DGKB: variants seen among roughly 807,000 people sequenced by gnomAD.
The protein encoded by DGKB is diacylglycerol kinase beta, also known as 90 kDa diacylglycerol kinase.
A neutral mutation model predicts 114.3 loss-of-function variants in DGKB; 67 were observed. The observed-to-expected ratio is 0.59, with a 90% CI of 0.48 to 0.72. The LOEUF (loss-of-function observed/expected upper bound fraction) is 0.72. Among genes scored for constraint, DGKB ranks in the 30% least tolerant of loss-of-function variants. The probability of loss-of-function intolerance (pLI) is 0.00; values close to 1 mark genes in which losing one functional copy is unlikely to be tolerated. For synonymous variants in DGKB, 398 were observed against 323.1 expected (o/e 1.23, Z -2.49); for missense variants, 907 against 975.2 (o/e 0.93, Z 0.93).
chr7:14,720,734 A>T (rs972967782), intron 5 of DGKB, among the ~76,000 whole-genome samples: 1 of 152,102 alleles, frequency 6.6e-6, no homozygotes, highest in Non-Finnish European at 1.5e-5. Flanking sequence ...ATCAACAGAG[A>T]CATATATTGT....
intron 2 of DGKB, among the ~76,000 whole-genome samples, chr7:14,759,854 C>A (rs1835429197): frequency 6.6e-6 from 1 of 152,158 alleles, no homozygotes; most frequent in Non-Finnish European, 1.5e-5. Context: ...ACAACAGCTA[C>A]ACCATTTTAC....
intron 23 of DGKB, among the ~76,000 whole-genome samples, chr7:14,265,975 G>C (rs1043504541): frequency 6.6e-6 from 1 of 152,134 alleles, no homozygotes; most frequent in Non-Finnish European, 1.5e-5. Context: ...AAAGAGGGTA[G>C]CCTATTTTGT....
Position 14,570,397 on chromosome 7 carries a change from T to C in DGKB, c.1770+3815A>G, listed in dbSNP as rs116656080. Among the ~76,000 whole-genome samples, 5 of 152,168 alleles carry C rather than the reference T, an allele frequency of 3.3e-5. 1 individual carries two copies. The highest frequency in any genetic ancestry group is 6.6e-5 in the Admixed American group (1 of 15,266). ...CTTGACTTTTTGTATTTAAATACAATTGACCCCTGAACAACATGGGAGTTA... is the reference window on the plus strand; with the variant it reads ...CTTGACTTTTTGTATTTAAATACAACTGACCCCTGAACAACATGGGAGTTA... On this transcript the variant is annotated intron_variant, in intron 20 of 25. Transcript: ENST00000402815.
intron 20 of DGKB, among the ~76,000 whole-genome samples, chr7:14,559,073 T>C (rs578064539): frequency 2.0e-5 from 3 of 152,186 alleles, no homozygotes; most frequent in Middle Eastern, 3.2e-3. Flanking sequence ...TGTGCTAGGA[T>C]GTGTTCCCTG....
chr7:14,505,206 C>A (rs541862161), intron 20 of DGKB, among the ~76,000 whole-genome samples: 1 of 152,214 alleles, frequency 6.6e-6, no homozygotes, highest in Non-Finnish European at 1.5e-5. Flanking sequence ...TGTAATCCTA[C>A]CACTTTGGTA....
At position 14,178,287 on chromosome 7, in the gene DGKB, TAA is replaced by T. The variant is rs1298419493; in HGVS notation, c.2123-138_2123-137del. 4.4e-6 allele frequency: 4 copies of T among 901,136 alleles called. No individual in the cohort carries two copies. The South Asian group carries it at 7.1e-5, about 16-fold the overall frequency. 55.8% of individuals were successfully genotyped at this position (901,136 alleles called of 1,614,324 possible). On this transcript the variant is annotated intron_variant, in intron 23 of 25. Transcript: ENST00000402815. ...AGCTTGTCTTAGAAACTTAAAGTAA[TAA>T]AAAGATGGCCTACTTTTATAACTCT...
At chr7:14,661,913 G>T (rs1392407470) in intron 13 of DGKB, among the ~76,000 whole-genome samples, 1 of 152,102 alleles carries the variant, frequency 6.6e-6, no homozygotes. Context: ...TAGGGACATG[G>T]ATGAAATTGG....
At chr7:14,780,391 A>G (rs181839829) in intron 2 of DGKB, among the ~76,000 whole-genome samples, 2 of 152,296 alleles carry the variant, frequency 1.3e-5, no homozygotes, top group East Asian at 1.9e-4. Flanking sequence ...TTTATTCTAC[A>G]GTTTCAAAAC....
intron 16 of DGKB, among the ~76,000 whole-genome samples, chr7:14,612,384 T>G (rs1805727046): frequency 6.6e-6 from 1 of 151,964 alleles, no homozygotes; most frequent in South Asian, 2.1e-4. Context: ...TTGGCCAGGC[T>G]GGTCTCAAAT....
intron 6 of DGKB, among the ~76,000 whole-genome samples, chr7:14,713,343 G>T (rs879941570): frequency 3.9e-5 from 6 of 151,938 alleles, no homozygotes; most frequent in African/African-American, 1.4e-4. Flanking sequence ...ATTTAGAAAA[G>T]GCACTTAAGC....
intron 20 of DGKB, among the ~76,000 whole-genome samples, chr7:14,505,609 T>A (rs896816550): frequency 3.9e-5 from 6 of 152,208 alleles, no homozygotes; most frequent in Admixed American, 6.5e-5. Flanking sequence ...CAAAGACCAA[T>A]GTAAAATTGC....
chr7:14,900,913 G>T (rs773751539), intron 1 of DGKB, among the ~76,000 whole-genome samples: 1 of 151,950 alleles, frequency 6.6e-6, no homozygotes, highest in Non-Finnish European at 1.5e-5. Context: ...AGAGTATTAG[G>T]GAACTGCTTG....
chr7:14,863,859 G>C (rs1851331394), intron 1 of DGKB, among the ~76,000 whole-genome samples: 1 of 152,008 alleles, frequency 6.6e-6, no homozygotes, highest in African/African-American at 2.4e-5. Context: ...TGGCACTTTG[G>C]GAGGCCTAGG....
intron 23 of DGKB, among the ~76,000 whole-genome samples, chr7:14,193,263 G>A (rs958574283): frequency 6.6e-6 from 1 of 151,690 alleles, no homozygotes; most frequent in African/African-American, 2.4e-5. Flanking sequence ...GAACAAAGTG[G>A]AAGGGATCAC....
At chr7:14,721,334 G>C (rs1366868078) in intron 5 of DGKB, among the ~76,000 whole-genome samples, 2 of 152,264 alleles carry the variant, frequency 1.3e-5, no homozygotes, top group South Asian at 2.1e-4. Context: ...TGTCTTTTCT[G>C]TATGTAATGT....
chr7:14,739,821 T>C (rs1201669058), intron 4 of DGKB, among the ~76,000 whole-genome samples: 1 of 152,220 alleles, frequency 6.6e-6, no homozygotes, highest in Admixed American at 6.5e-5. Flanking sequence ...TTCTTTTTTT[T>C]CCCAGGACTG....
intron 6 of DGKB, among the ~76,000 whole-genome samples, chr7:14,717,740 T>C (rs1322663899): frequency 1.3e-5 from 2 of 152,168 alleles, no homozygotes; most frequent in Admixed American, 6.6e-5. Flanking sequence ...GCATTTTTCA[T>C]TAAATTTACC....
chr7:14,926,433 T>A (rs1784756411), intron 1 of DGKB, among the ~76,000 whole-genome samples: 1 of 151,804 alleles, frequency 6.6e-6, no homozygotes, highest in Non-Finnish European at 1.5e-5. Flanking sequence ...GCTAGCCTAC[T>A]TTTTTTCCAC....
intron 23 of DGKB, among the ~76,000 whole-genome samples, chr7:14,300,475 A>G (rs1429063769): frequency 6.6e-6 from 1 of 152,144 alleles, no homozygotes; most frequent in Admixed American, 6.6e-5. Flanking sequence ...CCAGTGTATC[A>G]CTTACTCTAC....
Sources: allele counts gnomAD v4.1 joint callset (sites outside exome capture counted in the v4.1 genomes callset), GRCh38; gene constraint gnomAD v4.1.1; transcripts MANE v1.5; gene names NCBI Gene and HGNC (gene_info 2026-07-23, HGNC 2026-07-21).